FHIT: variants seen among roughly 807,000 people sequenced by gnomAD.
The protein encoded by FHIT is bis(5'-adenosyl)-triphosphatase.
Under a neutral mutation model 17.9 loss-of-function variants are expected in FHIT, and 19 were observed. That is an observed-to-expected ratio of 1.06 (90% CI 0.74 to 1.56). The LOEUF is 1.56. FHIT is among the 40% of genes most tolerant of loss of function. The pLI is 0.00. For missense variants in FHIT, 248 were observed against 189.2 expected, an observed-to-expected ratio of 1.31 and a Z score of -1.82; for synonymous variants, 81 against 69.7, an observed-to-expected ratio of 1.16 and a Z score of -0.81.
At chr3:60,263,456 G>C (rs1706403658) in intron 5 of FHIT, among the ~76,000 whole-genome samples, 1 of 151,902 alleles carries the variant, frequency 6.6e-6, no homozygotes, top group South Asian at 2.1e-4. Context: ...TCCACTATCA[G>C]ATGACTTAAC....
intron 3 of FHIT, among the ~76,000 whole-genome samples, chr3:61,032,356 G>A (rs1218865558): frequency 6.6e-6 from 1 of 152,154 alleles, no homozygotes; most frequent in Non-Finnish European, 1.5e-5. Context: ...GTTTTAGAGT[G>A]ATAAGGAACA....
intron 4 of FHIT, among the ~76,000 whole-genome samples, chr3:60,760,785 T>C (rs1699621886): frequency 1.3e-5 from 2 of 152,174 alleles, no homozygotes; most frequent in South Asian, 4.1e-4. Flanking sequence ...TAAGCTACCA[T>C]AAGAGATCTT....
chr3:60,959,742 A>G (rs1346821936), intron 3 of FHIT, among the ~76,000 whole-genome samples: 1 of 151,622 alleles, frequency 6.6e-6, no homozygotes, highest in African/African-American at 2.4e-5. Flanking sequence ...GAAAAAGGGC[A>G]GTGTAGTTTG....
chr3:59,946,156 G>A (rs760948920), intron 7 of FHIT, among the ~76,000 whole-genome samples: 22 of 152,162 alleles, frequency 1.4e-4, no homozygotes, highest in Admixed American at 9.8e-4. Context: ...TCCTATCCAC[G>A]AGCATGGAAT....
intron 4 of FHIT, among the ~76,000 whole-genome samples, chr3:60,792,321 T>C (rs2108122502): frequency 6.6e-6 from 1 of 151,998 alleles, no homozygotes; most frequent in East Asian, 1.9e-4. Flanking sequence ...GGTGTAAAAA[T>C]AAATATCCAT....
At chr3:59,927,924 A>T (rs953870943) in intron 7 of FHIT, among the ~76,000 whole-genome samples, 2 of 152,150 alleles carry the variant, frequency 1.3e-5, no homozygotes, top group Non-Finnish European at 2.9e-5. Context: ...CTTTGAACAC[A>T]TCTCTTCTGC....
At chr3:61,110,357 A>G (rs781465426) in intron 2 of FHIT, among the ~76,000 whole-genome samples, 46 of 152,090 alleles carry the variant, frequency 3.0e-4, no homozygotes, top group Non-Finnish European at 2.4e-4. Context: ...TCCTTACTCC[A>G]GTCACATCTT....
At chr3:61,132,672 A>G (rs1329917138) in intron 2 of FHIT, among the ~76,000 whole-genome samples, 1 of 152,226 alleles carries the variant, frequency 6.6e-6, no homozygotes, top group Non-Finnish European at 1.5e-5. Context: ...CAGTGACTTG[A>G]GCAAACTGTA....
At chr3:60,673,968 T>A (rs1401542068) in intron 4 of FHIT, among the ~76,000 whole-genome samples, 1 of 152,152 alleles carries the variant, frequency 6.6e-6, no homozygotes, top group Non-Finnish European at 1.5e-5. Flanking sequence ...GGAAAATTTG[T>A]TCATTTTTTT....
At chr3:59,911,017 G>C (rs1041776618) in intron 8 of FHIT, among the ~76,000 whole-genome samples, 1 of 152,160 alleles carries the variant, frequency 6.6e-6, no homozygotes, top group Non-Finnish European at 1.5e-5. Context: ...GTATACTACA[G>C]TTTTTGAAAT....
intron 5 of FHIT, among the ~76,000 whole-genome samples, chr3:60,021,759 C>T (rs1403717773): frequency 6.6e-6 from 1 of 152,182 alleles, no homozygotes; most frequent in Admixed American, 6.5e-5. Flanking sequence ...TGCTACAACA[C>T]TGTTACAATG....
chr3:60,452,881 G>A (rs2031839567), intron 5 of FHIT, among the ~76,000 whole-genome samples: 1 of 152,146 alleles, frequency 6.6e-6, no homozygotes, highest in African/African-American at 2.4e-5. Context: ...GCAAATGTAA[G>A]TGTCTTCAAC....
intron 8 of FHIT, among the ~76,000 whole-genome samples, chr3:59,912,555 C>T (rs886533210): frequency 6.6e-6 from 1 of 151,872 alleles, no homozygotes; most frequent in African/African-American, 2.4e-5. Context: ...GAAATTCAGC[C>T]TCAGTCTTCA....
chr3:60,409,736 A>G (rs2107220693), intron 5 of FHIT, among the ~76,000 whole-genome samples: 1 of 152,328 alleles, frequency 6.6e-6, no homozygotes, highest in South Asian at 2.1e-4. Context: ...CAAGAAAGGG[A>G]CAGATTATCA....
At chr3:60,058,734 C>A (rs771540927) in intron 5 of FHIT, among the ~76,000 whole-genome samples, 1 of 152,104 alleles carries the variant, frequency 6.6e-6, no homozygotes, top group African/African-American at 2.4e-5. Flanking sequence ...TGACAGCTAG[C>A]AACACTGTGT....
chr3:60,050,829 C>A (rs1311988810), intron 5 of FHIT, among the ~76,000 whole-genome samples: 1 of 152,098 alleles, frequency 6.6e-6, no homozygotes, highest in African/African-American at 2.4e-5. Flanking sequence ...TAAATACGCC[C>A]CTTAGCAAGT....
intron 2 of FHIT, among the ~76,000 whole-genome samples, chr3:61,077,532 T>C (rs988920023): frequency 1.3e-5 from 2 of 152,126 alleles, no homozygotes; most frequent in Non-Finnish European, 2.9e-5. Flanking sequence ...TGACAGCTTT[T>C]AGCAAAGTGG....
intron 2 of FHIT, among the ~76,000 whole-genome samples, chr3:61,053,275 G>A (rs2034092948): frequency 6.6e-6 from 1 of 152,106 alleles, no homozygotes; most frequent in South Asian, 2.1e-4. Flanking sequence ...CAAGAATGAT[G>A]CCCACAATAC....
rs1705529636 is a variant in FHIT at position 60,125,977 on chromosome 3, T to C, written c.104-111825A>G. Among the ~76,000 whole-genome samples, 3 of 152,292 alleles carry C rather than the reference T, an allele frequency of 2.0e-5. No individual in the cohort carries two copies. The South Asian group carries it at 6.2e-4, about 32-fold the overall frequency. Reference sequence around the variant, plus strand: ...TCTCTTCCTCCCCTTCTTTCTCTGTTCTGTGCTGCAGAAGGCTGATCTATG... The same window carrying C: ...TCTCTTCCTCCCCTTCTTTCTCTGTCCTGTGCTGCAGAAGGCTGATCTATG... On this transcript the variant is annotated intron_variant, in intron 5 of 9. Coordinates refer to ENST00000492590, the MANE Select transcript of FHIT (RefSeq NM_002012.4).
Sources: allele counts gnomAD v4.1 joint callset (sites outside exome capture counted in the v4.1 genomes callset), GRCh38; gene constraint gnomAD v4.1.1; transcripts MANE v1.5; gene names NCBI Gene and HGNC (gene_info 2026-07-23, HGNC 2026-07-21).